The following CNTN1 variants were observed in gnomAD, a reference collection of about 807,000 sequenced individuals.
CNTN1 encodes the protein contactin-1.
Under a neutral mutation model 126.4 loss-of-function variants are expected in CNTN1, and 38 were observed. That is an observed-to-expected ratio of 0.30 (90% CI 0.23 to 0.39). CNTN1 has a LOEUF of 0.39. CNTN1 is among the 10% of genes least tolerant of loss of function. The pLI is 1.00. For missense variants in CNTN1, 1,009 were observed against 1,248.4 expected, an observed-to-expected ratio of 0.81 and a Z score of 2.89; for synonymous variants, 413 against 422.6, an observed-to-expected ratio of 0.98 and a Z score of 0.28.
intron 1 of CNTN1, among the ~76,000 whole-genome samples, chr12:40,786,667 CATAAAA>C (rs765646281): frequency 2.6e-5 from 4 of 151,976 alleles, no homozygotes; most frequent in Non-Finnish European, 5.9e-5. Flanking sequence ...TGCCTAAACA[CATAAAA>C]ATAAAATGCA....
chr12:40,692,759 G>A (rs1941333178), intron 1 of CNTN1, among the ~76,000 whole-genome samples, 167 bp downstream of exon 1: 3 of 152,252 alleles, frequency 2.0e-5, no homozygotes, highest in African/African-American at 7.2e-5. Flanking sequence ...GGAGGTGGCT[G>A]GGGTGCGGGG....
At chr12:40,923,558 AT>A (rs139900704) in intron 5 of CNTN1, among the ~76,000 whole-genome samples, 7 of 151,952 alleles carry the variant, frequency 4.6e-5, no homozygotes, top group African/African-American at 1.7e-4. Context: ...AAGACTGTAC[AT>A]TTTTTTTCCA....
At chr12:40,853,843 A>C (rs1333059508) in intron 1 of CNTN1, among the ~76,000 whole-genome samples, 1 of 151,742 alleles carries the variant, frequency 6.6e-6, no homozygotes, top group African/African-American at 2.4e-5. Context: ...TGATCATATC[A>C]AGTTATTTTG....
intron 1 of CNTN1, among the ~76,000 whole-genome samples, chr12:40,786,078 C>A (rs527842356): frequency 7.7e-4 from 118 of 152,314 alleles, no homozygotes; most frequent in African/African-American, 2.7e-3. Context: ...GTAGGTCAGA[C>A]GTCCAGTATG....
At chr12:40,818,867 T>C (rs1159619826) in intron 1 of CNTN1, among the ~76,000 whole-genome samples, 1 of 152,176 alleles carries the variant, frequency 6.6e-6, no homozygotes, top group African/African-American at 2.4e-5. Flanking sequence ...GGGGGCCTTT[T>C]TGTTTTTGTT....
intron 1 of CNTN1, among the ~76,000 whole-genome samples, chr12:40,711,421 G>A (rs765113257): frequency 7.9e-5 from 12 of 151,908 alleles, no homozygotes; most frequent in Non-Finnish European, 1.8e-4. Context: ...TTGGGTTCTG[G>A]GTTATATCCC....
intron 1 of CNTN1, among the ~76,000 whole-genome samples, chr12:40,815,238 G>A (rs1941219041): frequency 6.6e-6 from 1 of 152,112 alleles, no homozygotes; most frequent in South Asian, 2.1e-4. Context: ...AAATTATTTT[G>A]GATAGTATGG....
At chr12:40,981,477 A>G (rs1947819454) in intron 16 of CNTN1, among the ~76,000 whole-genome samples, 1 of 152,156 alleles carries the variant, frequency 6.6e-6, no homozygotes, top group African/African-American at 2.4e-5. Context: ...AACCACATTG[A>G]TCATAAATCT....
intron 22 of CNTN1, 98 bp downstream of exon 22, chr12:41,028,067 T>C (rs1248896398): frequency 5.9e-6 from 5 of 853,636 alleles, no homozygotes; most frequent in Non-Finnish European, 9.8e-6. Flanking sequence ...AATTTTGCTC[T>C]GTCACCCAGA....
Position 40,724,677 on chromosome 12 carries a change from T to C in CNTN1, c.-77+32085T>C, listed in dbSNP as rs76236396. 4.7e-4 allele frequency among the ~76,000 whole-genome samples: 72 copies of C among 152,322 alleles called. 1 individual carries two copies. The highest frequency in any genetic ancestry group is 1.7e-3 in the African/African-American group (70 of 41,580). On this transcript the variant is annotated intron_variant, in intron 1 of 23. Transcript: ENST00000551295. The stretch of plus-strand genomic sequence containing the variant: ...AGAACACTTACTTTGGTTCAAAAGA[T>C]AGTAATATTTAAAATAAGACAGTAT...
chr12:40,887,865 G>C (rs1459616104), intron 1 of CNTN1, among the ~76,000 whole-genome samples: 1 of 151,950 alleles, frequency 6.6e-6, no homozygotes, highest in East Asian at 1.9e-4. Flanking sequence ...TCCTTTGTGG[G>C]GACATGGATG....
intron 23 of CNTN1, among the ~76,000 whole-genome samples, chr12:41,041,654 G>A (rs559632645): frequency 5.6e-4 from 86 of 152,272 alleles, no homozygotes; most frequent in Middle Eastern, 3.4e-3. Context: ...GAGGGTGTAT[G>A]TGTCAAGGAA....
At chr12:40,947,118 T>C (rs1033782727) in intron 14 of CNTN1, among the ~76,000 whole-genome samples, 2 of 152,068 alleles carry the variant, frequency 1.3e-5, no homozygotes, top group East Asian at 1.9e-4. Context: ...TTGGGATTAA[T>C]TTATTTTTTA....
At chr12:41,042,553 A>T in intron 23 of CNTN1, among the ~76,000 whole-genome samples, 1 of 152,070 alleles carries the variant, frequency 6.6e-6, no homozygotes. Context: ...TGGGAGTCTA[A>T]GTCTCTTTGT....
chr12:40,843,292 A>T (rs35291059), intron 1 of CNTN1, among the ~76,000 whole-genome samples: 8,278 of 152,254 alleles, frequency 0.054, 253 homozygotes, highest in Middle Eastern at 0.11. Flanking sequence ...TTGATTGGAA[A>T]ATTAATGGGA....
intron 1 of CNTN1, among the ~76,000 whole-genome samples, chr12:40,831,378 A>G (rs532823072): frequency 6.6e-6 from 1 of 152,048 alleles, no homozygotes; most frequent in South Asian, 2.1e-4. Flanking sequence ...CAACAAGAAA[A>G]TTTCCCATAG....
At chr12:40,758,701 A>G (rs1938709602) in intron 1 of CNTN1, among the ~76,000 whole-genome samples, 1 of 152,164 alleles carries the variant, frequency 6.6e-6, no homozygotes, top group South Asian at 2.1e-4. Context: ...TATCAACTCA[A>G]GATGAATCTG....
At chr12:41,024,473 A>T (rs1180168636) in intron 20 of CNTN1, among the ~76,000 whole-genome samples, 1 of 152,178 alleles carries the variant, frequency 6.6e-6, no homozygotes, top group African/African-American at 2.4e-5. Flanking sequence ...AGAGAAAAGT[A>T]ATCCTGTAAT....
rs199626249 is a variant in CNTN1 at position 40,877,988 on chromosome 12, CTTTTTTTT to C, written c.-76-30350_-76-30343del. Among the ~76,000 whole-genome samples the C allele has an allele frequency of 1.1e-4, 12 of 109,350 alleles. No individual in the cohort carries two copies. The South Asian group carries it at 1.9e-3, about 18-fold the overall frequency. 71.7% of individuals were successfully genotyped at this position (109,350 alleles called of 152,430 possible). ...TCCCCACCAAAGAAACAGTTTTTTCCTTTTTTTTTTTTTTTTTTTTTTTTTTGAGATAG... is the reference window on the plus strand; with the variant it reads ...TCCCCACCAAAGAAACAGTTTTTTCCTTTTTTTTTTTTTTTTTTGAGATAG... On this transcript the variant is annotated intron_variant, in intron 1 of 23. Coordinates refer to ENST00000551295, the MANE Select transcript of CNTN1 (RefSeq NM_001843.4).
Sources: allele counts gnomAD v4.1 joint callset (sites outside exome capture counted in the v4.1 genomes callset), GRCh38; gene constraint gnomAD v4.1.1; transcripts MANE v1.5; gene names NCBI Gene and HGNC (gene_info 2026-07-23, HGNC 2026-07-21).